Variants in CDHR1 observed in about 807,000 individuals in gnomAD.
CDHR1 encodes cadherin related family member 1, also known as cadherin-related family member 1.
Under a neutral mutation model 72.1 loss-of-function variants are expected in CDHR1, and 61 were observed. The observed-to-expected ratio is 0.85, with a 90% CI of 0.69 to 1.05. The LOEUF is 1.05. CDHR1 is among the 50% of genes least tolerant of loss of function. The pLI is 0.00. For missense variants in CDHR1, 1,186 were observed against 1,115.7 expected (o/e 1.06, Z -0.90); for synonymous variants, 470 against 448.1 (o/e 1.05, Z -0.62).
chr10:84,218,954 A>G, downstream of CDHR1: 1 of 558,788 alleles, frequency 1.8e-6, no homozygotes, highest in Non-Finnish European at 2.9e-6. Flanking sequence ...TATTGTTCTG[A>G]GAACTTTGTA....
At position 84,200,579 on chromosome 10, in the gene CDHR1, C is replaced by G. The variant is rs745455046; in HGVS notation, c.439-22C>G. The G allele has an allele frequency of 8.9e-6, 14 of 1,571,316 alleles. No individual in the cohort carries two copies. The African/African-American group carries it at 1.9e-4, about 21-fold the overall frequency. On this transcript the variant is annotated intron_variant, in intron 5 of 16. Transcript: ENST00000623527. ...ATGCTGTCACTGTCTCTGACCCTCCCCTGTGGCTGTGACCCCCTCAGGACA... is the reference window on the plus strand; with the variant it reads ...ATGCTGTCACTGTCTCTGACCCTCCGCTGTGGCTGTGACCCCCTCAGGACA...
intron 15 of CDHR1, among the ~76,000 whole-genome samples, chr10:84,212,676 A>C (rs1842356907): frequency 6.6e-6 from 1 of 152,224 alleles, no homozygotes; most frequent in South Asian, 2.1e-4. Context: ...CCTGCTTTTC[A>C]AAAGAGTGGT....
Position 84,194,808 on chromosome 10 carries a change from C to T in CDHR1, c.48C>T (p.Leu16=). Residue 16 remains leucine (L), a synonymous_variant, in exon 1 of 17, where the codon CTC becomes CTT. Transcript: ENST00000623527. ...CCCTGGCCCTGGGGCTGCTGCGCCT[C>T]TGCTTGGGTGAGTGGCCGCTGGGCC... ...WAALALGLLR[L]CLAQANFAPH... 3.3e-6 allele frequency: 5 copies of T among 1,532,888 alleles called. No individual in the cohort carries two copies. The highest frequency in any genetic ancestry group is 2.6e-6 in the Non-Finnish European group (3 of 1,145,998). The allele number at this position is 1,532,888 out of a possible 1,614,324, so 95.0% of individuals were successfully genotyped here.
At position 84,201,713 on chromosome 10, in the gene CDHR1, G is replaced by T. The variant is rs56094827; in HGVS notation, c.526-94G>T. 3,853 of 966,742 alleles carry T rather than the reference G, an allele frequency of 4.0e-3. 19 individuals are homozygous for T. Among genetic ancestry groups the T allele is most frequent in the Non-Finnish European group, 4.7e-3 (2,902 of 621,564 alleles). The allele number at this position is 966,742 out of a possible 1,614,324, so 59.9% of individuals were successfully genotyped here. A position where few individuals can be genotyped will look rare whatever the true frequency, so the allele number is the denominator to read the frequency against. On this transcript the variant is annotated intron_variant, in intron 6 of 16. Coordinates refer to ENST00000623527, the MANE Select transcript of CDHR1 (RefSeq NM_033100.4). ...CCTCAGCCCTGAGGTCCTGTAATGA[G>T]GGGCAGTGAGGACCCCCTTCAGAAA...
rs1241862838 is a variant in CDHR1, at chr10:84,216,786, G to A, written c.*2165G>A. ...GGACAAGCCCAGGCAGGGCTGCATG[G>A]AGAGGAATGGAACCTGGAGCTAGAA... On this transcript the variant is annotated 3_prime_UTR_variant, in exon 17 of 17. Coordinates refer to ENST00000623527, the MANE Select transcript of CDHR1 (RefSeq NM_033100.4). 1 of 985,394 alleles carries A rather than the reference G, an allele frequency of 1.0e-6. No individual in the cohort carries two copies. Among genetic ancestry groups the A allele is most frequent in the African/African-American group, 1.7e-5 (1 of 57,258 alleles). 61.0% of individuals were successfully genotyped at this position (985,394 alleles called of 1,614,324 possible).
chr10:84,211,632 G>A lies in CDHR1; in HGVS notation c.1486-16G>A, dbSNP rs762164567. 1.9e-6 allele frequency: 3 copies of A among 1,613,198 alleles called. No individual in the cohort carries two copies. In the African/African-American group the frequency reaches 4.0e-5, roughly 22 times the overall value. On this transcript the variant is annotated splice_polypyrimidine_tract_variant and intron_variant, in intron 13 of 16. Coordinates refer to ENST00000623527, the MANE Select transcript of CDHR1 (RefSeq NM_033100.4). ...GACAAAGAGGCACGTGCCACCCAGG[G>A]CTCTTTCTCTTCCAGGCTGTGGATC... is the stretch of plus-strand genomic sequence containing the variant.
In CDHR1 at chr10:84,211,053, T is replaced by A. The variant is rs760942217; in HGVS notation, c.1373T>A (p.Val458Asp). Residue 458 changes from valine to aspartate, a missense_variant, in exon 13 of 17, where the codon GTT (valine) becomes GAT (aspartate). Coordinates refer to ENST00000623527, the MANE Select transcript of CDHR1 (RefSeq NM_033100.4). Reference protein sequence around the residue: ...TPEKFSSTADVVIQLLDTNDN... With the variant: ...TPEKFSSTADDVIQLLDTNDN... ...GAGAAGTTCAGTTCCACAGCGGATGTTGTGATCCAGCTCCTGGACACCAAT... is the reference window on the plus strand; with the variant it reads ...GAGAAGTTCAGTTCCACAGCGGATGATGTGATCCAGCTCCTGGACACCAAT... The A allele has an allele frequency of 5.0e-6, 8 of 1,614,080 alleles. No homozygotes were observed. The highest frequency in any genetic ancestry group is 3.3e-4 in the Middle Eastern group (2 of 6,084).
downstream of CDHR1, chr10:84,219,507 T>C (rs367759807): frequency 4.9e-5 from 27 of 546,756 alleles, no homozygotes; most frequent in East Asian, 4.3e-4. Context: ...CTCACCTTCA[T>C]GGTAGCCCAG....
rs918048707 is a variant in CDHR1, at chr10:84,194,549, C to G, written c.-212C>G. 259 of 455,376 alleles carry G rather than the reference C, an allele frequency of 5.7e-4. No individual in the cohort carries two copies. The highest frequency in any genetic ancestry group is 1.1e-3 in the Admixed American group (24 of 22,312). 28.2% of individuals were successfully genotyped at this position (455,376 alleles called of 1,614,324 possible). On this transcript the variant is annotated 5_prime_UTR_variant, in exon 1 of 17. Transcript: ENST00000623527. Reference sequence around the variant, plus strand: ...TCCGCTCTGCGCCGCTAATTGGTCTCGTCAGGCGGCCGGCAGGAGCAGATC... The same window carrying G: ...TCCGCTCTGCGCCGCTAATTGGTCTGGTCAGGCGGCCGGCAGGAGCAGATC...
intron 5 of CDHR1, among the ~76,000 whole-genome samples, chr10:84,200,092 C>A (rs1842095829): frequency 6.6e-6 from 1 of 151,920 alleles, no homozygotes; most frequent in Admixed American, 6.6e-5. Context: ...ATCGCTTGAA[C>A]CCAGGAGGCA....
At chr10:84,209,685 A>G (rs942953085) in intron 12 of CDHR1, among the ~76,000 whole-genome samples, 14 of 152,144 alleles carry the variant, frequency 9.2e-5, no homozygotes, top group African/African-American at 3.4e-4. Flanking sequence ...AAAATTGCCA[A>G]CATGGCTGAT....
In CDHR1 at chr10:84,211,001, C is replaced by A; in HGVS notation, c.1321C>A (p.Leu441Ile). Residue 441 changes from leucine (L) to isoleucine (I), a missense_variant and splice_region_variant, in exon 13 of 17, where the codon CTC (leucine) becomes ATC (isoleucine). By Grantham distance (5) the Leu-to-Ile change is conservative. Transcript: ENST00000623527. ...AGTCCCCATTTTCCCCCCTTCCCAG[C>A]TCCTGGCTGTTGAAGTGAACACCCC... ...FEKSKVLTFKLLAVEVNTPEK... is the reference protein window; with the variant it reads ...FEKSKVLTFKILAVEVNTPEK... 1 of 1,614,210 alleles carries A rather than the reference C, an allele frequency of 6.2e-7. No individual in the cohort carries two copies. Among genetic ancestry groups the A allele is most frequent in the Non-Finnish European group, 8.5e-7 (1 of 1,180,032 alleles).
Position 84,217,284 on chromosome 10 carries a change from T to A in CDHR1, c.*2663T>A. On this transcript the variant is annotated 3_prime_UTR_variant, in exon 17 of 17. Transcript: ENST00000623527. ...CAGGGAAAGAGCTGGGAGGCAGGAA[T>A]GGCACACTGGGCAGGCTTGCCCATT... 1.0e-6 allele frequency: 1 copy of A among 985,480 alleles called. No homozygotes were observed. Among genetic ancestry groups the A allele is most frequent in the South Asian group, 4.7e-5 (1 of 21,292 alleles). The allele number at this position is 985,480 out of a possible 1,614,324, so 61.0% of individuals were successfully genotyped here.
At chr10:84,219,531 G>A (rs973389938), downstream of CDHR1, 25 of 458,138 alleles carry the variant, frequency 5.5e-5, no homozygotes, top group African/African-American at 4.6e-4. Context: ...ATTTCATGAT[G>A]GTGACACCCT....
At position 84,194,826 on chromosome 10, in the gene CDHR1, G is replaced by A. The variant is rs1416765970; in HGVS notation, c.55+11G>A. ...TGCGCCTCTGCTTGGGTGAGTGGCCGCTGGGCCGCGCTGGCCGCGTGGATG... is the reference window on the plus strand; with the variant it reads ...TGCGCCTCTGCTTGGGTGAGTGGCCACTGGGCCGCGCTGGCCGCGTGGATG... On this transcript the variant is annotated intron_variant, in intron 1 of 16. Coordinates refer to ENST00000623527, the MANE Select transcript of CDHR1 (RefSeq NM_033100.4). 1 of 1,532,666 alleles carries A rather than the reference G, an allele frequency of 6.5e-7. No homozygotes were observed. Among genetic ancestry groups the A allele is most frequent in the Non-Finnish European group, 8.7e-7 (1 of 1,145,544 alleles). The allele number at this position is 1,532,666 out of a possible 1,614,324, so 94.9% of individuals were successfully genotyped here.
intron 12 of CDHR1, 80 bp downstream of exon 12, chr10:84,208,961 G>T: frequency 1.4e-6 from 2 of 1,446,996 alleles, no homozygotes; most frequent in Non-Finnish European, 1.9e-6. Context: ...ATTCCTGAGG[G>T]GTCTCTTGTC....
rs2132821916 is a variant in CDHR1 at position 84,208,785 on chromosome 10, G to A, written c.1224G>A (p.Val408=). 1.9e-6 allele frequency: 3 copies of A among 1,614,174 alleles called. No individual in the cohort carries two copies. The highest frequency in any genetic ancestry group is 2.5e-6 in the Non-Finnish European group (3 of 1,180,010). Residue 408 remains valine, a synonymous_variant, in exon 12 of 17, where the codon GTG becomes GTA. Transcript: ENST00000623527. The part of the protein sequence containing the change: ...QLVGPRGIFR[V]VPQTVLNEAQ... ...TGGGACCCAGGGGCATCTTCCGAGT[G>A]GTTCCACAGACAGTCCTGAATGAAG...
At position 84,208,343 on chromosome 10, in the gene CDHR1, G is replaced by A. The variant is rs140621272; in HGVS notation, c.1133G>A (p.Arg378Gln). ...CACCCACCCCAGGGAGAGATCCTGC[G>A]GGGCCTCAAGATCACCGTCAATGAC... The part of the protein sequence containing the change: ...NEHPPQGEIL[R>Q]GLKITVNDSD... Residue 378 changes from arginine to glutamine, a missense_variant, in exon 11 of 17, where the codon CGG becomes CAG. Coordinates refer to ENST00000623527, the MANE Select transcript of CDHR1 (RefSeq NM_033100.4). 2.1e-3 allele frequency: 3,315 copies of A among 1,614,138 alleles called. 4 individuals are homozygous for A. The highest frequency in any genetic ancestry group is 2.6e-3 in the Non-Finnish European group (3,058 of 1,180,024).
intron 12 of CDHR1, among the ~76,000 whole-genome samples, chr10:84,210,450 G>T (rs1406791703): frequency 3.3e-5 from 5 of 151,996 alleles, no homozygotes; most frequent in Admixed American, 3.3e-4. Context: ...ATTTTTAGTA[G>T]AAATGGGGGT....
Sources: gnomAD v4.1 joint callset for allele counts (sites outside exome capture counted in the v4.1 genomes callset) on GRCh38, gnomAD v4.1.1 for gene constraint, MANE v1.5 for transcripts, NCBI Gene and HGNC (gene_info 2026-07-23, HGNC 2026-07-21) for gene names.